HOXB3: variants seen among roughly 807,000 people sequenced by gnomAD.
HOXB3 encodes the protein homeobox B3, also known as homeobox protein Hox-B3.
A neutral mutation model predicts 29.2 loss-of-function variants in HOXB3; 17 were observed. The observed-to-expected ratio is 0.58, with a 90% CI of 0.40 to 0.87. HOXB3 has a LOEUF of 0.87. Ranked by LOEUF, HOXB3 falls within the 40% of genes least tolerant of loss-of-function variation. The probability of loss-of-function intolerance (pLI) is 0.00; values close to 1 mark genes in which losing one functional copy is unlikely to be tolerated. For synonymous variants in HOXB3, 317 were observed against 285.9 expected (o/e 1.11, Z -1.10); for missense variants, 637 against 616.3 (o/e 1.03, Z -0.35).
At chr17:48,567,985 AC>A (rs1260641646) in intron 2 of HOXB3, among the ~76,000 whole-genome samples, 30 of 151,506 alleles carry the variant, frequency 2.0e-4, no homozygotes, top group Admixed American at 8.5e-4. Flanking sequence ...ACCTTTGACC[AC>A]CCCCCAGACA....
intron 2 of HOXB3, among the ~76,000 whole-genome samples, chr17:48,569,649 C>A (rs2069517746): frequency 6.6e-6 from 1 of 152,166 alleles, no homozygotes; most frequent in Admixed American, 6.5e-5. Context: ...GAGTGAGACC[C>A]ACTCCCTCTC....
chr17:48,554,458 G>C lies in HOXB3; in HGVS notation c.-159+1073C>G. 5.0e-6 allele frequency: 3 copies of C among 598,882 alleles called. No homozygotes were observed. Among genetic ancestry groups the C allele is most frequent in the Non-Finnish European group, 5.9e-6 (2 of 336,384 alleles). The allele number at this position is 598,882 out of a possible 1,614,324, so 37.1% of individuals were successfully genotyped here. A position where few individuals can be genotyped will look rare whatever the true frequency, so the allele number is the denominator to read the frequency against. Reference sequence around the variant, plus strand: ...AACCATCGCGGGACGGAGGCCAGGCGAGTGTGGAAAGCGAAGGAGCCAGAG... The same window carrying C: ...AACCATCGCGGGACGGAGGCCAGGCCAGTGTGGAAAGCGAAGGAGCCAGAG... On this transcript the variant is annotated intron_variant, in intron 3 of 4. Transcript: ENST00000498678. The surrounding 1 kb of genome is among the most constrained non-coding windows in gnomAD (Gnocchi z 4.1).
chr17:48,560,338 A>C (rs2069149827), intron 2 of HOXB3: 1 of 152,270 alleles, frequency 6.6e-6, no homozygotes, highest in African/African-American at 2.4e-5. Context: ...AATTGCCTCC[A>C]AATATAAAAC....
intron 1 of HOXB3, chr17:48,575,896 C>T (rs2069741159): frequency 1.3e-5 from 2 of 152,614 alleles, no homozygotes; most frequent in South Asian, 4.1e-4. Context: ...CCCTGCCAAG[C>T]ATGGCTTGGC....
chr17:48,552,475 C>G lies in HOXB3; in HGVS notation c.-1G>C. On this transcript the variant is annotated 5_prime_UTR_variant, in exon 4 of 5. Transcript: ENST00000498678. The stretch of plus-strand genomic sequence containing the variant: ...TGTCGTAGTAGGTGGCTTTCTGCAT[C>G]GCTGGGTGAGGCCTGGGCAGTGGGT... The G allele has an allele frequency of 6.4e-7, 1 of 1,562,196 alleles. No homozygotes were observed. Among genetic ancestry groups the G allele is most frequent in the Non-Finnish European group, 8.7e-7 (1 of 1,150,566 alleles).
At chr17:48,560,947 CGAGGCAGGCGATCACCT>C (rs2069172429) in intron 2 of HOXB3, among the ~76,000 whole-genome samples, 1 of 152,052 alleles carries the variant, frequency 6.6e-6, no homozygotes, top group South Asian at 2.1e-4. Flanking sequence ...GTTGGGAGGC[CGAGGCAGGCGATCACCT>C]GAGGTTGGGA....
At chr17:48,579,798 A>G in intron 1 of HOXB3, 1 of 408,150 alleles carries the variant, frequency 2.5e-6, no homozygotes, top group Non-Finnish European at 4.9e-6. Context: ...GAAAAATACT[A>G]CATATACATA....
In HOXB3 at chr17:48,551,141, TCCGCCGCCGCCGCCACCG is replaced by T; in HGVS notation, c.471_488del (p.Gly159_Gly164del). On this transcript the variant is annotated inframe_deletion, in exon 5 of 5. Coordinates refer to ENST00000498678, the MANE Select transcript of HOXB3 (RefSeq NM_001384749.1). ...CACCGCCCCCGCTGCCACCACTGCC[TCCGCCGCCGCCGCCACCG>T]CCGCCGCCACCACAGCCCTCTGCTG... The T allele has an allele frequency of 1.5e-6, 2 of 1,307,288 alleles. No homozygotes were observed. Among genetic ancestry groups the T allele is most frequent in the African/African-American group, 1.6e-5 (1 of 64,154 alleles). 81.0% of individuals were successfully genotyped at this position (1,307,288 alleles called of 1,614,324 possible).
intron 1 of HOXB3, chr17:48,577,097 A>T: frequency 7.2e-7 from 1 of 1,396,154 alleles, no homozygotes; most frequent in Non-Finnish European, 9.6e-7. Flanking sequence ...TCCAGGGAAC[A>T]CAGCGTTTCC....
intron 1 of HOXB3, chr17:48,581,227 C>CT (rs2069928913): frequency 6.6e-6 from 1 of 152,210 alleles, no homozygotes; most frequent in Admixed American, 6.5e-5. Context: ...CTCTGATTTT[C>CT]TTTTAATCTT....
rs2069790743 is a variant in HOXB3, at chr17:48,577,107, C to T, written c.-424-3093G>A. 3.1e-6 allele frequency: 4 copies of T among 1,298,494 alleles called. No homozygotes were observed. In the East Asian group the frequency reaches 9.5e-5, roughly 31 times the overall value. The allele number at this position is 1,298,494 out of a possible 1,614,324, so 80.4% of individuals were successfully genotyped here. A position where few individuals can be genotyped will look rare whatever the true frequency, so the allele number is the denominator to read the frequency against. ...TTTCTTCCAGGGAACACAGCGTTTC[C>T]CTCCCTCCCTCTCCCGCCACCTCTT... On this transcript the variant is annotated intron_variant, in intron 1 of 4. Transcript: ENST00000498678.
At chr17:48,569,082 C>G (rs901812686) in intron 2 of HOXB3, among the ~76,000 whole-genome samples, 2 of 150,240 alleles carry the variant, frequency 1.3e-5, no homozygotes, top group African/African-American at 4.9e-5. Flanking sequence ...TTTTTTTTCT[C>G]GGGGTACAGG....
At chr17:48,576,645 T>TCCCCCCCCCC in intron 1 of HOXB3, 1 of 559,070 alleles carries the variant, frequency 1.8e-6, no homozygotes, top group Non-Finnish European at 2.5e-6. Flanking sequence ...CAGGGCCCCC[T>TCCCCCCCCCC]CCTGTCCCCC....
intron 4 of HOXB3, among the ~76,000 whole-genome samples, chr17:48,551,516 A>G (rs1243557692): frequency 1.3e-5 from 2 of 152,078 alleles, no homozygotes; most frequent in Non-Finnish European, 2.9e-5. Flanking sequence ...CTTATCCCCA[A>G]TTCCAGGTCA....
chr17:48,557,384 G>A (rs2069029825), intron 2 of HOXB3: 1 of 152,254 alleles, frequency 6.6e-6, no homozygotes, highest in South Asian at 2.1e-4. Context: ...CAGCTTTTGT[G>A]TTCCCTCCAG....
rs1307586780 is a variant in HOXB3, at chr17:48,555,549, G to A, written c.-177C>T. 5.7e-6 allele frequency: 4 copies of A among 702,656 alleles called. No homozygotes were observed. The highest frequency in any genetic ancestry group is 1.0e-5 in the Non-Finnish European group (4 of 384,836). 43.5% of individuals were successfully genotyped at this position (702,656 alleles called of 1,614,324 possible). On this transcript the variant is annotated 5_prime_UTR_variant, in exon 3 of 5. Transcript: ENST00000498678. The stretch of plus-strand genomic sequence containing the variant: ...AGCTTACCTTAGCCACCGACGAGGG[G>A]AGAACAGGCAGACATAATATATATT...
intron 1 of HOXB3, chr17:48,574,923 A>G (rs982882816): frequency 1.3e-5 from 2 of 152,256 alleles, no homozygotes; most frequent in African/African-American, 4.8e-5. Flanking sequence ...AGTTTGAGCT[A>G]TGGCACTGGC....
intron 1 of HOXB3, chr17:48,579,816 ATT>A (rs549572731): frequency 2.2e-6 from 1 of 457,828 alleles, no homozygotes; most frequent in Admixed American, 2.6e-5. Flanking sequence ...ATATATATAT[ATT>A]TTTTTCTTCT....
At chr17:48,557,259 T>G (rs749374599) in intron 2 of HOXB3, 1 of 152,300 alleles carries the variant, frequency 6.6e-6, no homozygotes, top group Non-Finnish European at 1.5e-5. Context: ...CTTAACTTCA[T>G]GTAAGGCACT....
Sources: allele counts gnomAD v4.1 joint callset (sites outside exome capture counted in the v4.1 genomes callset), GRCh38; gene constraint gnomAD v4.1.1; non-coding constraint Gnocchi (gnomAD v3.1); transcripts MANE v1.5; gene names NCBI Gene and HGNC (gene_info 2026-07-23, HGNC 2026-07-21).